Variants in PTGS1 observed in about 807,000 individuals in gnomAD.
PTGS1 encodes prostaglandin G/H synthase 1.
Under a neutral mutation model 63.0 loss-of-function variants are expected in PTGS1, and 40 were observed. That is an observed-to-expected ratio of 0.63 (90% CI 0.49 to 0.83). The LOEUF (loss-of-function observed/expected upper bound fraction) is 0.83, where lower values mean the gene tolerates loss of function less well. Ranked by LOEUF, PTGS1 falls within the 40% of genes least tolerant of loss-of-function variation. PTGS1 has a pLI of 0.00. For missense variants in PTGS1, 709 were observed against 786.5 expected (o/e 0.90, Z 1.18); for synonymous variants, 298 against 301.9 (o/e 0.99, Z 0.13).
At position 122,377,995 on chromosome 9, in the gene PTGS1, C is replaced by T; in HGVS notation, c.191C>T (p.Ser64Phe). 1 of 1,613,372 alleles carries T rather than the reference C, an allele frequency of 6.2e-7. No individual in the cohort carries two copies. Among genetic ancestry groups the T allele is most frequent in the Non-Finnish European group, 8.5e-7 (1 of 1,179,976 alleles). ...TGTGACTGCACCCGCACGGGCTATT[C>T]CGGCCCCAACTGCACCATCCGTGAG... is the stretch of plus-strand genomic sequence containing the variant. ...YQCDCTRTGY[S>F]GPNCTIPGLW... Residue 64 changes from serine to phenylalanine, a missense_variant, in exon 3 of 11, where the codon TCC becomes TTC. Physicochemically the swap from Ser to Phe is radical, Grantham distance 155. Coordinates refer to ENST00000362012, the MANE Select transcript of PTGS1 (RefSeq NM_000962.4).
chr9:122,390,380 T>C, intron 10 of PTGS1, 35 bp downstream of exon 10: 10 of 1,606,152 alleles, frequency 6.2e-6, no homozygotes, highest in Non-Finnish European at 8.5e-6. Flanking sequence ...GTCCCTGCCC[T>C]TGAGGGACTG....
chr9:122,383,673 C>T lies in PTGS1; in HGVS notation c.927C>T (p.Asn309=), dbSNP rs201788310. ...CCACGCTCTGGCTACGTGAGCACAA[C>T]CGTGTGTGTGACCTGCTGAAGGCTG... ...LYATLWLREH[N]RVCDLLKAEH... The change falls in exon 8 of 11, where the codon AAC becomes AAT. Residue 309 remains asparagine (N), a synonymous_variant. Coordinates refer to ENST00000362012, the MANE Select transcript of PTGS1 (RefSeq NM_000962.4). 13 of 1,614,080 alleles carry T rather than the reference C, an allele frequency of 8.1e-6. No individual in the cohort carries two copies. The highest frequency in any genetic ancestry group is 1.6e-4 in the Middle Eastern group (1 of 6,062).
At position 122,392,988 on chromosome 9, in the gene PTGS1, T is replaced by A. The variant is rs1267992062; in HGVS notation, c.*444T>A. ...TGATGATCCAGAACAGTGGCTCGTATCCCAAATCTGTCAGCATCTGGCTGT... is the reference window on the plus strand; with the variant it reads ...TGATGATCCAGAACAGTGGCTCGTAACCCAAATCTGTCAGCATCTGGCTGT... On this transcript the variant is annotated 3_prime_UTR_variant, in exon 11 of 11. Coordinates refer to ENST00000362012, the MANE Select transcript of PTGS1 (RefSeq NM_000962.4). 1 of 160,164 alleles carries A rather than the reference T, an allele frequency of 6.2e-6. No homozygotes were observed. Among genetic ancestry groups the A allele is most frequent in the African/African-American group, 2.4e-5 (1 of 41,624 alleles). 9.9% of individuals were successfully genotyped at this position (160,164 alleles called of 1,614,324 possible).
chr9:122,391,752 T>G (rs977764128), intron 10 of PTGS1, among the ~76,000 whole-genome samples: 4 of 152,094 alleles, frequency 2.6e-5, no homozygotes, highest in African/African-American at 9.7e-5. Context: ...ACTGAATTTC[T>G]GTGTGAGCTC....
intron 5 of PTGS1, among the ~76,000 whole-genome samples, chr9:122,381,169 C>T (rs111304893): frequency 1.4e-3 from 218 of 152,228 alleles, no homozygotes; most frequent in African/African-American, 5.0e-3. Flanking sequence ...ACTTAAAATT[C>T]TAAAAATCAT....
chr9:122,383,416 A>T, intron 7 of PTGS1, 93 bp from the exon 8 acceptor site: 1 of 1,505,784 alleles, frequency 6.6e-7, no homozygotes, highest in Non-Finnish European at 8.9e-7. Flanking sequence ...GCTGAGGGGA[A>T]CTGGCAGCTG....
At chr9:122,370,690 A>G (rs1195676467), upstream of PTGS1, 1 of 400,890 alleles carries the variant, frequency 2.5e-6, no homozygotes. Context: ...GGGGACTCTG[A>G]GACCCTTTCT....
At chr9:122,388,827 G>C (rs988300552) in intron 9 of PTGS1, among the ~76,000 whole-genome samples, 6 of 152,104 alleles carry the variant, frequency 3.9e-5, no homozygotes, top group Admixed American at 3.9e-4. Flanking sequence ...TATTGGATTG[G>C]AGCCCACCCT....
intron 2 of PTGS1, chr9:122,375,543 T>C (rs961331725): frequency 1.1e-6 from 1 of 931,492 alleles, no homozygotes; most frequent in African/African-American, 1.8e-5. Context: ...CCCAACTGTG[T>C]GCATAGCCTG....
intron 9 of PTGS1, 104 bp from the exon 10 acceptor site, chr9:122,390,094 C>G (rs1043708102): frequency 1.4e-6 from 2 of 1,383,926 alleles, no homozygotes; most frequent in Non-Finnish European, 1.9e-6. Flanking sequence ...TCCATCCTAG[C>G]TCAGAAGGGA....
At chr9:122,379,223 G>C (rs1460173745) in intron 5 of PTGS1, among the ~76,000 whole-genome samples, 1 of 152,176 alleles carries the variant, frequency 6.6e-6, no homozygotes, top group Non-Finnish European at 1.5e-5. Flanking sequence ...ATGTAGGAAA[G>C]AATAGTGAGC....
intron 8 of PTGS1, among the ~76,000 whole-genome samples, chr9:122,385,390 A>C (rs540359464): frequency 1.3e-5 from 2 of 152,094 alleles, no homozygotes; most frequent in South Asian, 4.2e-4. Context: ...CTGATCCCAC[A>C]GTCTGTAGCT....
intron 2 of PTGS1, among the ~76,000 whole-genome samples, chr9:122,372,260 G>C (rs1836850865): frequency 6.6e-6 from 1 of 152,126 alleles, no homozygotes; most frequent in Admixed American, 6.6e-5. Context: ...GGGGAAAGAG[G>C]AAAGATATGT....
At chr9:122,374,397 G>C (rs1416312830) in intron 2 of PTGS1, among the ~76,000 whole-genome samples, 4 of 152,084 alleles carry the variant, frequency 2.6e-5, no homozygotes, top group Admixed American at 2.6e-4. Flanking sequence ...GAAAAATGAG[G>C]CTCCAGAGGT....
At chr9:122,380,699 C>G (rs1454076945) in intron 5 of PTGS1, among the ~76,000 whole-genome samples, 1 of 152,176 alleles carries the variant, frequency 6.6e-6, no homozygotes, top group Non-Finnish European at 1.5e-5. Context: ...TGTTTACTAT[C>G]TGGCTTTTTC....
rs1292860855 is a variant in PTGS1 at position 122,383,611 on chromosome 9, G to C, written c.865G>C (p.Glu289Gln). The change falls in exon 8 of 11, where the codon GAG (glutamate) becomes CAG (glutamine). Residue 289 changes from glutamate to glutamine, a missense_variant. Coordinates refer to ENST00000362012, the MANE Select transcript of PTGS1 (RefSeq NM_000962.4). ...CCAGAGCCAGATGGCTGTGGGCCAG[G>C]AGGTGTTTGGGCTGCTTCCTGGGCT... ...PPQSQMAVGQ[E>Q]VFGLLPGLML... The C allele has an allele frequency of 1.9e-6, 3 of 1,614,216 alleles. 1 individual carries two copies. In the South Asian group the frequency reaches 3.3e-5, roughly 18 times the overall value.
rs374501865 is a variant in PTGS1 at position 122,378,592 on chromosome 9, C to T, written c.352+19C>T. The T allele has an allele frequency of 1.2e-6, 2 of 1,613,998 alleles. No homozygotes were observed. The highest frequency in any genetic ancestry group is 1.3e-5 in the African/African-American group (1 of 75,020). ...CTCACAGGTGGGTGTGGGGCAGGGC[C>T]CCCTGACCTGGGGGAGCAAGCAAGC... On this transcript the variant is annotated intron_variant, in intron 4 of 10. Coordinates refer to ENST00000362012, the MANE Select transcript of PTGS1 (RefSeq NM_000962.4).
In PTGS1 at chr9:122,383,409, G is replaced by T. The variant is rs1026615291; in HGVS notation, c.763-100G>T. 4.5e-5 allele frequency: 67 copies of T among 1,489,862 alleles called. No homozygotes were observed. The African/African-American group carries it at 8.4e-4, about 19-fold the overall frequency. The allele number at this position is 1,489,862 out of a possible 1,614,324, so 92.3% of individuals were successfully genotyped here. ...GGAGGTGGAATCAACAGCCTTGGCT[G>T]AGGGGAACTGGCAGCTGGAGGCAGG... On this transcript the variant is annotated intron_variant, in intron 7 of 10. Transcript: ENST00000362012.
In PTGS1 at chr9:122,392,593, C is replaced by A; in HGVS notation, c.*49C>A. 6.5e-7 allele frequency: 1 copy of A among 1,546,530 alleles called. No homozygotes were observed. The highest frequency in any genetic ancestry group is 8.8e-7 in the Non-Finnish European group (1 of 1,132,214). On this transcript the variant is annotated 3_prime_UTR_variant, in exon 11 of 11. Coordinates refer to ENST00000362012, the MANE Select transcript of PTGS1 (RefSeq NM_000962.4). ...AGGGGAGAGCTTTGTGCTTGTCATT[C>A]CAGAGTGCTGAGGCCAGGGCTGATG... is the stretch of plus-strand genomic sequence containing the variant.
Sources: gnomAD v4.1 joint callset for allele counts (sites outside exome capture counted in the v4.1 genomes callset) on GRCh38, gnomAD v4.1.1 for gene constraint, MANE v1.5 for transcripts, NCBI Gene and HGNC (gene_info 2026-07-23, HGNC 2026-07-21) for gene names.